The following FOCAD variants were observed in gnomAD, a reference collection of about 807,000 sequenced individuals.
The protein encoded by FOCAD is KIAA1797.
Under a neutral mutation model 225.6 loss-of-function variants are expected in FOCAD, and 198 were observed. The ratio of observed to expected loss-of-function variants is 0.88; its 90% CI spans 0.78 to 0.99. The LOEUF (loss-of-function observed/expected upper bound fraction) is 0.99. FOCAD is among the 50% of genes least tolerant of loss of function. The probability of loss-of-function intolerance (pLI) is 0.00; values close to 1 mark genes in which losing one functional copy is unlikely to be tolerated. For synonymous variants in FOCAD, 897 were observed against 755.0 expected (o/e 1.19, Z -3.08); for missense variants, 2,713 against 2,123.6 (o/e 1.28, Z -5.46).
chr9:20,711,804 G>A lies in FOCAD; in HGVS notation c.-32-3518G>A, dbSNP rs566492404. Among the ~76,000 whole-genome samples, 7 of 152,326 alleles carry A rather than the reference G, an allele frequency of 4.6e-5. No individual in the cohort carries two copies. In the East Asian group the frequency reaches 9.6e-4, roughly 21 times the overall value. ...CGTTTGGAGATCTGTGCCAGATGAC[G>A]ACTGATAGCTGTGGGAGAGTTTGTA... On this transcript the variant is annotated intron_variant, in intron 1 of 43. Coordinates refer to ENST00000338382, the MANE Select transcript of FOCAD (RefSeq NM_001375567.1).
At chr9:20,679,277 G>A (rs1433142725), upstream of FOCAD, among the ~76,000 whole-genome samples, 2 of 152,062 alleles carry the variant, frequency 1.3e-5, no homozygotes, top group Non-Finnish European at 2.9e-5. Context: ...AGCCATTGGA[G>A]ACTCGTATAT....
intron 2 of FOCAD, among the ~76,000 whole-genome samples, chr9:20,717,158 A>G (rs1239796924): frequency 1.3e-5 from 2 of 152,222 alleles, no homozygotes; most frequent in Non-Finnish European, 2.9e-5. Context: ...ACGGTCTTAA[A>G]TCAGTTCCAA....
chr9:20,971,317 C>G (rs558793893), intron 35 of FOCAD, among the ~76,000 whole-genome samples: 7 of 152,162 alleles, frequency 4.6e-5, no homozygotes, highest in Non-Finnish European at 1.0e-4. Context: ...CTGCCACTTC[C>G]ACTTCTACTT....
chr9:20,767,548 T>A (rs929481919), intron 7 of FOCAD, among the ~76,000 whole-genome samples: 1 of 151,656 alleles, frequency 6.6e-6, no homozygotes. Context: ...CTCATTGTGG[T>A]TTTGATTTGC....
chr9:20,725,540 T>G (rs1302349081), intron 4 of FOCAD, among the ~76,000 whole-genome samples: 1 of 152,170 alleles, frequency 6.6e-6, no homozygotes, highest in Non-Finnish European at 1.5e-5. Context: ...AGAGCAGATT[T>G]TGAAAGCGTG....
chr9:20,674,197 T>C (rs1822159881), intron 2 of FOCAD, among the ~76,000 whole-genome samples: 1 of 152,192 alleles, frequency 6.6e-6, no homozygotes, highest in South Asian at 2.1e-4. Flanking sequence ...TAGAAATAAA[T>C]ATATTAGATG....
At chr9:20,670,626 C>T (rs1422898240) in intron 2 of FOCAD, among the ~76,000 whole-genome samples, 1 of 152,128 alleles carries the variant, frequency 6.6e-6, no homozygotes, top group Non-Finnish European at 1.5e-5. Context: ...CACTTCCCAC[C>T]AAGTCCCTCC....
chr9:20,880,191 G>A (rs1177694713), intron 19 of FOCAD, among the ~76,000 whole-genome samples: 3 of 152,156 alleles, frequency 2.0e-5, no homozygotes, highest in Non-Finnish European at 4.4e-5. Context: ...ATTGGAGAGA[G>A]TTTAATAAAG....
At position 20,819,907 on chromosome 9, in the gene FOCAD, A is replaced by G. The variant is rs1010867265; in HGVS notation, c.1560+7A>G. Reference sequence around the variant, plus strand: ...TAAGCTTGGTGTTCACAAGGTTAGTATGTTAATTAATTTAGTTGGCGAAAA... The same window carrying G: ...TAAGCTTGGTGTTCACAAGGTTAGTGTGTTAATTAATTTAGTTGGCGAAAA... On this transcript the variant is annotated splice_region_variant and intron_variant, in intron 12 of 43. Transcript: ENST00000338382. The G allele has an allele frequency of 1.0e-5, 15 of 1,458,690 alleles. No homozygotes were observed. The highest frequency in any genetic ancestry group is 1.4e-5 in the Non-Finnish European group (15 of 1,076,670). 90.4% of individuals were successfully genotyped at this position (1,458,690 alleles called of 1,614,324 possible).
intron 11 of FOCAD, among the ~76,000 whole-genome samples, chr9:20,796,148 A>G (rs201420263): frequency 2.0e-5 from 3 of 151,890 alleles, no homozygotes; most frequent in African/African-American, 4.8e-5. Flanking sequence ...ATGAACTCAT[A>G]ATTTTTTATG....
At chr9:20,777,708 T>C (rs1818904935) in intron 8 of FOCAD, among the ~76,000 whole-genome samples, 1 of 152,224 alleles carries the variant, frequency 6.6e-6, no homozygotes, top group Admixed American at 6.5e-5. Context: ...GTTATATAGA[T>C]GAATCATGTC....
At chr9:20,871,146 G>C (rs193254478) in intron 18 of FOCAD, among the ~76,000 whole-genome samples, 5 of 152,004 alleles carry the variant, frequency 3.3e-5, no homozygotes, top group African/African-American at 1.2e-4. Context: ...GGAGGTTGCA[G>C]TGAGCTGAGA....
intron 2 of FOCAD, among the ~76,000 whole-genome samples, chr9:20,670,846 C>T (rs1822044083): frequency 6.6e-6 from 1 of 152,142 alleles, no homozygotes; most frequent in Non-Finnish European, 1.5e-5. Context: ...CCACTCTGCC[C>T]ACAATAGGCA....
intron 2 of FOCAD, among the ~76,000 whole-genome samples, chr9:20,673,639 G>T (rs1029336048): frequency 3.3e-5 from 5 of 152,008 alleles, no homozygotes; most frequent in African/African-American, 1.2e-4. Flanking sequence ...CTGTCACCTA[G>T]GCTGGAGTGC....
chr9:20,694,989 C>A (rs1190542659), intron 1 of FOCAD, among the ~76,000 whole-genome samples: 1 of 152,126 alleles, frequency 6.6e-6, no homozygotes, highest in East Asian at 1.9e-4. Flanking sequence ...GTCACTTATT[C>A]TGTACAATCC....
intron 35 of FOCAD, among the ~76,000 whole-genome samples, chr9:20,967,404 A>C (rs1448142783): frequency 6.6e-6 from 1 of 152,116 alleles, no homozygotes. Context: ...TATTAACTCT[A>C]TTAGTTTTTA....
intron 5 of FOCAD, among the ~76,000 whole-genome samples, chr9:20,752,634 C>A (rs1048116818): frequency 1.3e-5 from 2 of 151,846 alleles, no homozygotes; most frequent in African/African-American, 4.8e-5. Flanking sequence ...ATTGACTCGG[C>A]GATGCGGGCT....
chr9:20,752,682 C>T (rs1828679999), intron 5 of FOCAD, among the ~76,000 whole-genome samples: 1 of 151,560 alleles, frequency 6.6e-6, no homozygotes, highest in African/African-American at 2.4e-5. Context: ...GTAGTTTTTT[C>T]CAATTCTGTG....
intron 15 of FOCAD, among the ~76,000 whole-genome samples, chr9:20,859,782 A>G (rs1490289594): frequency 1.3e-5 from 2 of 150,224 alleles, no homozygotes; most frequent in East Asian, 3.9e-4. Flanking sequence ...TGGAAAAGGT[A>G]CGATAACTGA....
Sources: gnomAD v4.1 joint callset for allele counts (sites outside exome capture counted in the v4.1 genomes callset) on GRCh38, gnomAD v4.1.1 for gene constraint, MANE v1.5 for transcripts, NCBI Gene and HGNC (gene_info 2026-07-23, HGNC 2026-07-21) for gene names.